LRCH1: variants seen among roughly 807,000 people sequenced by gnomAD.
The protein encoded by LRCH1 is leucine rich repeats and calponin homology domain containing 1, also known as leucine-rich repeat and calponin homology domain-containing protein 1.
A neutral mutation model predicts 94.9 loss-of-function variants in LRCH1; 23 were observed. The observed-to-expected ratio is 0.24, with a 90% CI of 0.17 to 0.34. The LOEUF (loss-of-function observed/expected upper bound fraction) is 0.34. Ranked by LOEUF, LRCH1 falls within the 10% of genes least tolerant of loss-of-function variation. The pLI, the probability that LRCH1 is intolerant of heterozygous loss-of-function variation, is 1.00. For synonymous variants in LRCH1, 364 were observed against 354.9 expected (o/e 1.03, Z -0.29); for missense variants, 790 against 945.9 (o/e 0.84, Z 2.16).
chr13:46,681,868 T>G, intron 4 of LRCH1, 22 bp downstream of exon 4: 1 of 1,454,764 alleles, frequency 6.9e-7, no homozygotes, highest in Non-Finnish European at 9.6e-7. Flanking sequence ...AGAGGGAAAA[T>G]GAAGAAAATG....
intron 9 of LRCH1, among the ~76,000 whole-genome samples, chr13:46,697,340 T>C (rs997505961): frequency 1.3e-5 from 2 of 152,224 alleles, no homozygotes; most frequent in African/African-American, 4.8e-5. Context: ...ATTTAATATA[T>C]ATTGTTTTGA....
At chr13:46,639,822 A>G (rs2051137503) in intron 1 of LRCH1, among the ~76,000 whole-genome samples, 1 of 152,222 alleles carries the variant, frequency 6.6e-6, no homozygotes, top group Non-Finnish European at 1.5e-5. Context: ...CCCTACAGTA[A>G]TCTGTACTCA....
At chr13:46,599,038 C>T (rs2050597973) in intron 1 of LRCH1, among the ~76,000 whole-genome samples, 2 of 152,150 alleles carry the variant, frequency 1.3e-5, no homozygotes, top group South Asian at 4.1e-4. Flanking sequence ...TGTTTTCCAT[C>T]TCTATGAATT....
At chr13:46,635,015 G>A (rs889468185) in intron 1 of LRCH1, among the ~76,000 whole-genome samples, 1 of 152,178 alleles carries the variant, frequency 6.6e-6, no homozygotes, top group Admixed American at 6.5e-5. Context: ...GTTTTGAAAA[G>A]TTATTATTAT....
intron 2 of LRCH1, among the ~76,000 whole-genome samples, chr13:46,668,033 G>T (rs1593338340): frequency 6.6e-6 from 1 of 152,316 alleles, no homozygotes; most frequent in African/African-American, 2.4e-5. Flanking sequence ...TACACTGAAT[G>T]ACATACAGAT....
intron 5 of LRCH1, among the ~76,000 whole-genome samples, chr13:46,686,263 C>T (rs1033533718): frequency 1.3e-5 from 2 of 152,158 alleles, no homozygotes. Context: ...TTTATGCTTA[C>T]AAAGTATGGA....
At chr13:46,698,682 A>G (rs945350600) in intron 9 of LRCH1, among the ~76,000 whole-genome samples, 1 of 152,210 alleles carries the variant, frequency 6.6e-6, no homozygotes, top group African/African-American at 2.4e-5. Flanking sequence ...GGGATCTCTC[A>G]ATACAAGAAG....
chr13:46,708,235 G>T (rs1267412839), intron 13 of LRCH1, among the ~76,000 whole-genome samples: 1 of 150,896 alleles, frequency 6.6e-6, no homozygotes, highest in Non-Finnish European at 1.5e-5. Flanking sequence ...TATAGACTGA[G>T]CCCAGTTCAT....
At chr13:46,579,386 A>G (rs1193228000) in intron 1 of LRCH1, among the ~76,000 whole-genome samples, 1 of 152,124 alleles carries the variant, frequency 6.6e-6, no homozygotes, top group African/African-American at 2.4e-5. Flanking sequence ...AGCTGCCAAT[A>G]TAAGACAGGT....
At chr13:46,589,815 G>T (rs1213216908) in intron 1 of LRCH1, among the ~76,000 whole-genome samples, 2 of 151,414 alleles carry the variant, frequency 1.3e-5, no homozygotes, top group Non-Finnish European at 1.5e-5. Flanking sequence ...TGGTTAGGCT[G>T]GTCTCGAACT....
chr13:46,556,095 A>T (rs192909501), intron 1 of LRCH1, among the ~76,000 whole-genome samples: 1 of 152,372 alleles, frequency 6.6e-6, no homozygotes, highest in East Asian at 1.9e-4. Context: ...AGAATGGCAT[A>T]TGAAGATCCT....
chr13:46,630,366 C>T (rs1200787431), intron 1 of LRCH1, among the ~76,000 whole-genome samples: 1 of 152,132 alleles, frequency 6.6e-6, no homozygotes, highest in Non-Finnish European at 1.5e-5. Context: ...AAGGTTATCA[C>T]TATTTATTAT....
chr13:46,650,375 T>G, intron 2 of LRCH1, 30 bp downstream of exon 2: 1 of 1,536,782 alleles, frequency 6.5e-7, no homozygotes. Context: ...TGTAATCAAA[T>G]TCAGTGAAAG....
chr13:46,620,362 CAA>C (rs1226581498), intron 1 of LRCH1, among the ~76,000 whole-genome samples: 23 of 121,980 alleles, frequency 1.9e-4, no homozygotes, highest in Admixed American at 3.3e-4. Flanking sequence ...GAACCTGTCT[CAA>C]AAAAAAAAAA....
intron 3 of LRCH1, among the ~76,000 whole-genome samples, chr13:46,670,246 G>T (rs1261334781): frequency 6.6e-6 from 1 of 152,200 alleles, no homozygotes; most frequent in East Asian, 1.9e-4. Context: ...ACTCATTCCA[G>T]CTAGCTCACA....
intron 2 of LRCH1, among the ~76,000 whole-genome samples, chr13:46,652,863 TA>T (rs1362497413): frequency 6.6e-6 from 1 of 152,226 alleles, no homozygotes; most frequent in Non-Finnish European, 1.5e-5. Context: ...TTTACAATGA[TA>T]GGGATTTTAA....
intron 2 of LRCH1, among the ~76,000 whole-genome samples, chr13:46,667,986 A>G (rs1279743889): frequency 6.6e-6 from 1 of 152,242 alleles, no homozygotes; most frequent in Non-Finnish European, 1.5e-5. Flanking sequence ...AACTTTATGC[A>G]TGTGTGTGCA....
intron 1 of LRCH1, among the ~76,000 whole-genome samples, chr13:46,574,824 T>G (rs1378323355): frequency 9.8e-6 from 1 of 101,554 alleles, no homozygotes; most frequent in Non-Finnish European, 1.9e-5. Flanking sequence ...TGTGTGGGGT[T>G]TTTTTTTTTT....
At chr13:46,596,403 G>A (rs1809207941) in intron 1 of LRCH1, among the ~76,000 whole-genome samples, 1 of 152,180 alleles carries the variant, frequency 6.6e-6, no homozygotes, top group African/African-American at 2.4e-5. Context: ...AAAAAATCAT[G>A]TGTTACTTTA....
Sources: allele counts gnomAD v4.1 joint callset (sites outside exome capture counted in the v4.1 genomes callset), GRCh38; gene constraint gnomAD v4.1.1; transcripts MANE v1.5; gene names NCBI Gene and HGNC (gene_info 2026-07-23, HGNC 2026-07-21).